Variants in L1TD1 observed in about 807,000 individuals in gnomAD.
L1TD1 encodes LINE1 type transposase domain containing 1.
A neutral mutation model predicts 25.7 loss-of-function variants in L1TD1; 26 were observed. The observed-to-expected ratio is 1.01, with a 90% CI of 0.74 to 1.40. The LOEUF is 1.40. Among genes scored for constraint, L1TD1 ranks in the 40% most tolerant of loss-of-function variants. L1TD1 has a pLI of 0.00. For synonymous variants in L1TD1, 421 were observed against 335.6 expected (o/e 1.25, Z -2.78); for missense variants, 1,130 against 975.0 (o/e 1.16, Z -2.12).
Position 62,212,279 on chromosome 1 carries a change from T to C in L1TD1, c.*907T>C, listed in dbSNP as rs1332007331. The C allele has an allele frequency of 6.6e-6, 1 of 151,252 alleles. No homozygotes were observed. Among genetic ancestry groups the C allele is most frequent in the Non-Finnish European group, 1.5e-5 (1 of 67,860 alleles). 9.4% of individuals were successfully genotyped at this position (151,252 alleles called of 1,614,324 possible). A position where few individuals can be genotyped will look rare whatever the true frequency, so the allele number is the denominator to read the frequency against. On this transcript the variant is annotated 3_prime_UTR_variant, in exon 4 of 4. Coordinates refer to ENST00000498273, the MANE Select transcript of L1TD1 (RefSeq NM_019079.5). ...GAAGAAATGATATTTCACAAGTTTG[T>C]ATCATTTGTCATGATGTGACTCGAA...
chr1:62,197,378 C>T (rs1354422429), intron 2 of L1TD1, among the ~76,000 whole-genome samples: 1 of 127,506 alleles, frequency 7.8e-6, no homozygotes, highest in Non-Finnish European at 1.6e-5. Flanking sequence ...GAGTGAGACG[C>T]CCTCTCAAAA....
At chr1:62,205,390 T>C (rs1220934835) in intron 2 of L1TD1, among the ~76,000 whole-genome samples, 8 of 19,656 alleles carry the variant, frequency 4.1e-4, no homozygotes, top group South Asian at 2.0e-3. Flanking sequence ...TCTCTCTCTT[T>C]CTCTCTCTCT....
chr1:62,210,624 T>G lies in L1TD1; in HGVS notation c.1850T>G (p.Leu617Trp). The stretch of plus-strand genomic sequence containing the variant: ...TTAACAGAGGAAACAGAAGAAAACT[T>G]GAGAAGTAGTGTGATTAATAGCATC... The part of the protein sequence containing the change: ...ADLTEETEEN[L>W]RSSVINSIRE... The change falls in exon 4 of 4, where the codon TTG becomes TGG. Residue 617 changes from leucine (L) to tryptophan (W), a missense_variant. Leu to Trp is a moderately conservative substitution (Grantham distance 61). Coordinates refer to ENST00000498273, the MANE Select transcript of L1TD1 (RefSeq NM_019079.5). 1.3e-6 allele frequency: 2 copies of G among 1,594,638 alleles called. No individual in the cohort carries two copies. The highest frequency in any genetic ancestry group is 2.7e-5 in the African/African-American group (2 of 74,060).
intron 1 of L1TD1, 126 bp downstream of exon 1, chr1:62,195,047 G>C (rs886997697): frequency 1.3e-5 from 2 of 152,888 alleles, no homozygotes; most frequent in Non-Finnish European, 2.9e-5. Context: ...CCCGGGTAAG[G>C]CTGGTCCAGG....
rs1458889031 is a variant in L1TD1 at position 62,210,406 on chromosome 1, A to G, written c.1632A>G (p.Gln544=). The part of the protein sequence containing the change: ...EEEETAVPTS[Q]GTGTPCLTLC... ...AGGAAACAGCTGTGCCCACAAGTCA[A>G]GGAACTGGCACACCCTGTCTGACCT... Residue 544 remains glutamine, a synonymous_variant, in exon 4 of 4, where the codon CAA becomes CAG. Transcript: ENST00000498273. 2 of 1,614,120 alleles carry G rather than the reference A, an allele frequency of 1.2e-6. No individual in the cohort carries two copies. Among genetic ancestry groups the G allele is most frequent in the South Asian group, 1.1e-5 (1 of 91,078 alleles).
In L1TD1 at chr1:62,205,427, A is replaced by C. The variant is rs770504699; in HGVS notation, c.-110-1092A>C. 3.7e-3 allele frequency among the ~76,000 whole-genome samples: 139 copies of C among 37,114 alleles called. 6 individuals are homozygous for C. The highest frequency in any genetic ancestry group is 9.4e-3 in the East Asian group (23 of 2,448). The allele number at this position is 37,114 out of a possible 152,430, so 24.3% of individuals were successfully genotyped here. On this transcript the variant is annotated intron_variant, in intron 2 of 3. Transcript: ENST00000498273. The stretch of plus-strand genomic sequence containing the variant: ...TCTCTCTCTCTCTCTCTATATATAT[A>C]TATATATATATATATATTTTTTTTT...
intron 3 of L1TD1, among the ~76,000 whole-genome samples, chr1:62,209,306 T>TA (rs1553122944): frequency 1.2e-3 from 171 of 147,188 alleles, no homozygotes; most frequent in African/African-American, 3.7e-3. Flanking sequence ...TTTTTTTTTT[T>TA]AATTGGGTTT....
chr1:62,205,133 G>A (rs923043242), intron 2 of L1TD1, among the ~76,000 whole-genome samples: 9 of 151,816 alleles, frequency 5.9e-5, no homozygotes, highest in East Asian at 2.0e-4. Flanking sequence ...GGCGGATCAC[G>A]AGGTCAGGAA....
intron 2 of L1TD1, among the ~76,000 whole-genome samples, chr1:62,199,556 T>G (rs1374396117): frequency 1.3e-5 from 2 of 151,612 alleles, no homozygotes; most frequent in Non-Finnish European, 2.9e-5. Flanking sequence ...AATCCCACCG[T>G]GCCCGGCTGT....
chr1:62,207,396 T>C lies in L1TD1; in HGVS notation c.768T>C (p.Ile256=), dbSNP rs1438873269. The change falls in exon 3 of 4, where the codon ATT becomes ATC. Residue 256 remains isoleucine (I), a synonymous_variant. Coordinates refer to ENST00000498273, the MANE Select transcript of L1TD1 (RefSeq NM_019079.5). ...ACCTTTCATCAGCAACACTGGATATTAGTAAGCAATGGAGTAATGTCTTCA... is the reference window on the plus strand; with the variant it reads ...ACCTTTCATCAGCAACACTGGATATCAGTAAGCAATGGAGTAATGTCTTCA... ...VADLSSATLD[I]SKQWSNVFNI... 10 of 1,551,476 alleles carry C rather than the reference T, an allele frequency of 6.4e-6. No homozygotes were observed. The African/African-American group carries it at 1.4e-4, about 21-fold the overall frequency.
At position 62,209,781 on chromosome 1, in the gene L1TD1, A is replaced by G. The variant is rs1557446762; in HGVS notation, c.1009-2A>G. The G allele has an allele frequency of 2.0e-6, 3 of 1,488,762 alleles. No individual in the cohort carries two copies. In the African/African-American group the frequency reaches 4.2e-5, roughly 21 times the overall value. 92.2% of individuals were successfully genotyped at this position (1,488,762 alleles called of 1,614,324 possible). On this transcript the variant is annotated splice_acceptor_variant, in intron 3 of 3. Coordinates refer to ENST00000498273, the MANE Select transcript of L1TD1 (RefSeq NM_019079.5). LOFTEE classifies it high-confidence loss of function. ...TTTTTTTCTTCTTTGTTTAACTTTC[A>G]GGATAAAACCCTAATAGACTCAAAG...
chr1:62,199,897 G>A (rs1670609568), intron 2 of L1TD1, among the ~76,000 whole-genome samples: 1 of 152,034 alleles, frequency 6.6e-6, no homozygotes, highest in African/African-American at 2.4e-5. Flanking sequence ...TTCAAACACT[G>A]GAATGTGTTT....
Position 62,211,719 on chromosome 1 carries a change from A to G in L1TD1, c.*347A>G. On this transcript the variant is annotated 3_prime_UTR_variant, in exon 4 of 4. Coordinates refer to ENST00000498273, the MANE Select transcript of L1TD1 (RefSeq NM_019079.5). The stretch of plus-strand genomic sequence containing the variant: ...GGTGGCTCACACCTGTAATCCCAGC[A>G]CTTTGGGAGGCCGAGGCGGGTGGAT... The G allele has an allele frequency of 6.0e-6, 1 of 167,700 alleles. No individual in the cohort carries two copies. The highest frequency in any genetic ancestry group is 1.6e-4 in the South Asian group (1 of 6,446). The allele number at this position is 167,700 out of a possible 1,614,324, so 10.4% of individuals were successfully genotyped here. A position where few individuals can be genotyped will look rare whatever the true frequency, so the allele number is the denominator to read the frequency against.
At position 62,207,546 on chromosome 1, in the gene L1TD1, ATCT is replaced by A. The variant is rs748380085; in HGVS notation, c.922_924del (p.Ser308del). 55 of 1,551,358 alleles carry A rather than the reference ATCT, an allele frequency of 3.5e-5. 2 individuals carry two copies. The South Asian group carries it at 6.1e-4, about 17-fold the overall frequency. ...GCCTTAGAAAATTTGCCAGCCAAAA[ATCT>A]TCTGTGAAAGAATTACTGAAAGATG... On this transcript the variant is annotated inframe_deletion, in exon 3 of 4. Coordinates refer to ENST00000498273, the MANE Select transcript of L1TD1 (RefSeq NM_019079.5).
chr1:62,207,607 G>T lies in L1TD1; in HGVS notation c.979G>T (p.Gly327Ter). The change falls in exon 3 of 4, where the codon GGA becomes TGA. Residue 327 changes from glycine to a stop codon, truncating the protein, a stop_gained. Coordinates refer to ENST00000498273, the MANE Select transcript of L1TD1 (RefSeq NM_019079.5). LOFTEE classifies it low-confidence loss of function (END_TRUNC). Reference protein sequence around the residue: ...LPQKEEINQGGRKYGIQEKRD... With the variant: ...LPQKEEINQG Reference sequence around the variant, plus strand: ...ACAAAAGGAAGAAATAAATCAAGGAGGAAGAAAATATGGAATTCAAGAAAA... The same window carrying T: ...ACAAAAGGAAGAAATAAATCAAGGATGAAGAAAATATGGAATTCAAGAAAA... 1 of 1,538,950 alleles carries T rather than the reference G, an allele frequency of 6.5e-7. No homozygotes were observed. The highest frequency in any genetic ancestry group is 2.1e-5 in the Admixed American group (1 of 47,260).
At position 62,207,611 on chromosome 1, in the gene L1TD1, G is replaced by T; in HGVS notation, c.983G>T (p.Arg328Ile). 6.5e-7 allele frequency: 1 copy of T among 1,536,712 alleles called. No homozygotes were observed. Among genetic ancestry groups the T allele is most frequent in the Admixed American group, 2.1e-5 (1 of 46,646 alleles). ...PQKEEINQGG[R>I]KYGIQEKRDK... ...AAGGAAGAAATAAATCAAGGAGGAAGAAAATATGGAATTCAAGAAAAAAGG... is the reference window on the plus strand; with the variant it reads ...AAGGAAGAAATAAATCAAGGAGGAATAAAATATGGAATTCAAGAAAAAAGG... Residue 328 changes from arginine (R) to isoleucine (I), a missense_variant, in exon 3 of 4, where the codon AGA (arginine) becomes ATA (isoleucine). Transcript: ENST00000498273.
At chr1:62,209,750 A>G (rs773898663) in intron 3 of L1TD1, 33 bp from the exon 4 acceptor site, 1 of 1,407,016 alleles carries the variant, frequency 7.1e-7, no homozygotes, top group African/African-American at 1.4e-5. Flanking sequence ...TTAAACAAAT[A>G]ACTCTTTTTT....
chr1:62,206,063 GT>G (rs1458417611), intron 2 of L1TD1, among the ~76,000 whole-genome samples: 1 of 152,110 alleles, frequency 6.6e-6, no homozygotes, highest in Non-Finnish European at 1.5e-5. Context: ...TTGATAATTG[GT>G]TTTCAGAAAA....
chr1:62,210,850 TATAGAG>T lies in L1TD1; in HGVS notation c.2077_2082del (p.Ile693_Glu694del). 1 of 1,550,318 alleles carries T rather than the reference TATAGAG, an allele frequency of 6.5e-7. No homozygotes were observed. The highest frequency in any genetic ancestry group is 8.7e-7 in the Non-Finnish European group (1 of 1,146,688). ...TAATTAGTAAAGAAAGGCAAAGAGA[TATAGAG>T]GAGAGATCTAGAAGTTGCAACATTC... On this transcript the variant is annotated inframe_deletion, in exon 4 of 4. Coordinates refer to ENST00000498273, the MANE Select transcript of L1TD1 (RefSeq NM_019079.5).
Sources: allele counts gnomAD v4.1 joint callset (sites outside exome capture counted in the v4.1 genomes callset), GRCh38; gene constraint gnomAD v4.1.1; transcripts MANE v1.5; gene names NCBI Gene and HGNC (gene_info 2026-07-23, HGNC 2026-07-21).